The following NECAB2 variants were observed in gnomAD, a reference collection of about 807,000 sequenced individuals.
NECAB2 encodes N-terminal EF-hand calcium-binding protein 2.
In NECAB2, 68 loss-of-function variants were observed where a neutral mutation model predicts 51.9. The observed-to-expected ratio is 1.31, with a 90% CI of 1.08 to 1.60. NECAB2 has a LOEUF of 1.60. Ranked by LOEUF, NECAB2 falls within the 40% of genes most tolerant of loss-of-function variation. The probability of loss-of-function intolerance (pLI) is 0.00; values close to 1 mark genes in which losing one functional copy is unlikely to be tolerated. For synonymous variants in NECAB2, 329 were observed against 203.5 expected, an observed-to-expected ratio of 1.62 and a Z score of -5.25; for missense variants, 854 against 490.3, an observed-to-expected ratio of 1.74 and a Z score of -7.00.
chr16:83,992,279 G>C (rs1420571647), intron 6 of NECAB2, among the ~76,000 whole-genome samples: 1 of 152,044 alleles, frequency 6.6e-6, no homozygotes, highest in Non-Finnish European at 1.5e-5. Flanking sequence ...TCCCATCCTA[G>C]GTGGTGGCTG....
chr16:83,984,081 C>T (rs1357336185), intron 5 of NECAB2, among the ~76,000 whole-genome samples: 9 of 151,316 alleles, frequency 5.9e-5, no homozygotes, highest in Admixed American at 1.3e-4. Context: ...CTGCCAGCTC[C>T]GCCTCCCGGG....
intron 3 of NECAB2, among the ~76,000 whole-genome samples, chr16:83,979,034 A>C (rs1241469590): frequency 6.6e-6 from 1 of 152,134 alleles, no homozygotes; most frequent in Non-Finnish European, 1.5e-5. Flanking sequence ...CCTTTTCTCC[A>C]ACCCAGTCAT....
chr16:83,969,170 A>G (rs534741431), intron 1 of NECAB2, among the ~76,000 whole-genome samples: 3 of 147,814 alleles, frequency 2.0e-5, no homozygotes, highest in Non-Finnish European at 4.5e-5. Context: ...GTCCAAGCCA[A>G]ACCCCCACCC....
intron 10 of NECAB2, among the ~76,000 whole-genome samples, chr16:83,999,258 G>C (rs1047483817): frequency 6.0e-5 from 9 of 149,408 alleles, no homozygotes; most frequent in Admixed American, 1.3e-4. Flanking sequence ...TCTTGAGTAA[G>C]TAGCCAGGAT....
chr16:83,979,799 A>G (rs973594650), intron 3 of NECAB2, among the ~76,000 whole-genome samples: 2 of 152,324 alleles, frequency 1.3e-5, no homozygotes, highest in East Asian at 3.9e-4. Flanking sequence ...TCAAAGCTCT[A>G]TAAAGACTTT....
intron 5 of NECAB2, among the ~76,000 whole-genome samples, chr16:83,989,184 C>G (rs1265788102): frequency 6.6e-6 from 1 of 152,168 alleles, no homozygotes; most frequent in African/African-American, 2.4e-5. Flanking sequence ...TGTCTGGAGT[C>G]TGTTGATCAC....
At chr16:84,001,563 G>A (rs558266226) in intron 11 of NECAB2, among the ~76,000 whole-genome samples, 1 of 152,080 alleles carries the variant, frequency 6.6e-6, no homozygotes, top group Non-Finnish European at 1.5e-5. Context: ...TAGGGTAAAG[G>A]GGGAGGTAGA....
At chr16:83,983,370 C>T (rs776460032) in intron 5 of NECAB2, among the ~76,000 whole-genome samples, 1 of 152,154 alleles carries the variant, frequency 6.6e-6, no homozygotes, top group African/African-American at 2.4e-5. Context: ...TGTTCTAAAA[C>T]GTCGTGGTGG....
chr16:83,971,951 G>A (rs1264619458), intron 1 of NECAB2, 200 bp from the exon 2 acceptor site: 1 of 667,528 alleles, frequency 1.5e-6, no homozygotes, highest in Non-Finnish European at 2.5e-6. Flanking sequence ...GTGGGTGAGG[G>A]GAGGGCCTCT....
intron 5 of NECAB2, among the ~76,000 whole-genome samples, chr16:83,990,066 C>T (rs1002226120): frequency 6.6e-6 from 1 of 152,192 alleles, no homozygotes; most frequent in Non-Finnish European, 1.5e-5. Context: ...TTATCCTTGT[C>T]ACAGCAACAA....
At chr16:83,999,014 T>G (rs1478671509) in intron 10 of NECAB2, among the ~76,000 whole-genome samples, 1 of 152,136 alleles carries the variant, frequency 6.6e-6, no homozygotes, top group African/African-American at 2.4e-5. Context: ...CCCAACTCCC[T>G]TCCCAGGGCT....
chr16:83,997,125 TC>T, intron 8 of NECAB2, 90 bp from the exon 9 acceptor site: 1 of 1,530,582 alleles, frequency 6.5e-7, no homozygotes, highest in Non-Finnish European at 9.0e-7. Context: ...CCTTGGGAGC[TC>T]CCAACAGCCC....
intron 5 of NECAB2, among the ~76,000 whole-genome samples, chr16:83,985,911 A>G (rs563937024): frequency 7.2e-5 from 11 of 152,334 alleles, no homozygotes; most frequent in African/African-American, 2.2e-4. Flanking sequence ...GAAAACAGCT[A>G]TCCTTTCTTC....
chr16:83,973,322 A>G (rs970717007), intron 2 of NECAB2, among the ~76,000 whole-genome samples: 6 of 152,028 alleles, frequency 3.9e-5, no homozygotes, highest in Non-Finnish European at 8.8e-5. Flanking sequence ...GCTCCCACCC[A>G]GGGCGGTTGC....
chr16:83,984,576 C>CAA (rs1390017617), intron 5 of NECAB2, among the ~76,000 whole-genome samples: 10 of 152,034 alleles, frequency 6.6e-5, no homozygotes, highest in African/African-American at 2.4e-4. Context: ...CAAAACAAAA[C>CAA]AAAATTAGCC....
Position 83,971,856 on chromosome 16 carries a change from C to G in NECAB2, c.202-295C>G, listed in dbSNP as rs193224051. 1.3e-3 allele frequency: 755 copies of G among 566,406 alleles called. 3 individuals are homozygous for G. Among genetic ancestry groups the G allele is most frequent in the Non-Finnish European group, 1.8e-3 (586 of 317,022 alleles). 35.1% of individuals were successfully genotyped at this position (566,406 alleles called of 1,614,324 possible). ...GCCACGTGGACTGATGACTGTGGAC[C>G]TACACCTGCAGGGATGGCCGTGGGC... On this transcript the variant is annotated intron_variant, in intron 1 of 12. Coordinates refer to ENST00000305202, the MANE Select transcript of NECAB2 (RefSeq NM_019065.3).
intron 1 of NECAB2, 150 bp from the exon 2 acceptor site, chr16:83,972,001 C>A: frequency 9.6e-7 from 1 of 1,040,528 alleles, no homozygotes; most frequent in Non-Finnish European, 1.4e-6. Flanking sequence ...GGATCCCAGC[C>A]CGGGGAGGGG....
At chr16:83,976,617 T>C (rs1312895708) in intron 2 of NECAB2, among the ~76,000 whole-genome samples, 1 of 152,202 alleles carries the variant, frequency 6.6e-6, no homozygotes, top group Non-Finnish European at 1.5e-5. Context: ...GGTTTGTGCA[T>C]GTGTGGTTGG....
chr16:83,983,737 A>C (rs1019540093), intron 5 of NECAB2, among the ~76,000 whole-genome samples: 5 of 152,156 alleles, frequency 3.3e-5, no homozygotes, highest in African/African-American at 1.2e-4. Flanking sequence ...CAAGAATTTT[A>C]TCTCTGTCTC....
Sources: gnomAD v4.1 joint callset for allele counts (sites outside exome capture counted in the v4.1 genomes callset) on GRCh38, gnomAD v4.1.1 for gene constraint, MANE v1.5 for transcripts, NCBI Gene and HGNC (gene_info 2026-07-23, HGNC 2026-07-21) for gene names.